The following ETNPPL variants were observed in gnomAD, a reference collection of about 807,000 sequenced individuals.
ETNPPL encodes alanine--glyoxylate aminotransferase 2-like 1.
In ETNPPL, 30 loss-of-function variants were observed where a neutral mutation model predicts 55.5. The observed-to-expected ratio is 0.54, with a 90% confidence interval of 0.40 to 0.73. ETNPPL has a LOEUF of 0.73. Ranked by LOEUF, ETNPPL falls within the 30% of genes least tolerant of loss-of-function variation. The pLI is 0.00. For missense variants in ETNPPL, 528 were observed against 607.9 expected (o/e 0.87, Z 1.38); for synonymous variants, 202 against 207.2 (o/e 0.98, Z 0.21).
intron 7 of ETNPPL, among the ~76,000 whole-genome samples, chr4:108,750,526 A>G (rs866957732): frequency 9.3e-4 from 105 of 113,284 alleles, no homozygotes; most frequent in Non-Finnish European, 1.2e-3. Flanking sequence ...GTGTGTGTGT[A>G]TGATATGTGA....
chr4:108,762,669 TG>T, intron 1 of ETNPPL, 173 bp downstream of exon 1: 1 of 782,020 alleles, frequency 1.3e-6, no homozygotes, highest in Non-Finnish European at 2.3e-6. Context: ...GGAGCGTTTC[TG>T]GGAGTCCGCG....
In ETNPPL at chr4:108,749,450, C is replaced by A; in HGVS notation, c.715G>T (p.Ala239Ser). The A allele has an allele frequency of 6.2e-7, 1 of 1,613,824 alleles. No homozygotes were observed. ...TCATCAGCTATAAACACACCCCCTG[C>A]ACCGTGTACATATCTGAAAAGCAAA... ...FQKVAEYVHG[A>S]GGVFIADEVQ... The change falls in exon 8 of 13, where the codon GCA (alanine) becomes TCA (serine). Residue 239 changes from alanine (A) to serine (S), a missense_variant. Transcript: ENST00000296486.
At chr4:108,744,395 G>A (rs991488087) in intron 11 of ETNPPL, among the ~76,000 whole-genome samples, 5 of 151,942 alleles carry the variant, frequency 3.3e-5, no homozygotes, top group Non-Finnish European at 5.9e-5. Context: ...AAATTCTTCT[G>A]GCCCACTATT....
At chr4:108,752,776 T>C (rs544954054) in intron 6 of ETNPPL, 119 bp downstream of exon 6, 1 of 663,486 alleles carries the variant, frequency 1.5e-6, no homozygotes, top group South Asian at 2.1e-5. Flanking sequence ...AAAACGTAAC[T>C]AGAGAAGAAC....
At chr4:108,754,168 G>T (rs1729088243) in intron 5 of ETNPPL, among the ~76,000 whole-genome samples, 1 of 151,690 alleles carries the variant, frequency 6.6e-6, no homozygotes, top group South Asian at 2.1e-4. Flanking sequence ...AGTAGAGACA[G>T]GATTTCGCCA....
intron 6 of ETNPPL, among the ~76,000 whole-genome samples, chr4:108,751,361 A>T (rs899519565): frequency 1.3e-5 from 2 of 152,190 alleles, no homozygotes; most frequent in African/African-American, 2.4e-5. Flanking sequence ...ATGAACCTGT[A>T]AAAAGTTACC....
At chr4:108,750,720 C>A (rs1465808534) in intron 7 of ETNPPL, among the ~76,000 whole-genome samples, 2 of 150,400 alleles carry the variant, frequency 1.3e-5, no homozygotes, top group Non-Finnish European at 2.9e-5. Flanking sequence ...GAGCAGAGTT[C>A]TGAACCCCCG....
At chr4:108,751,736 T>C (rs1728922458) in intron 6 of ETNPPL, among the ~76,000 whole-genome samples, 1 of 152,220 alleles carries the variant, frequency 6.6e-6, no homozygotes, top group African/African-American at 2.4e-5. Context: ...TTTGGTTTCT[T>C]AGCTGTAAAA....
In ETNPPL at chr4:108,751,024, C is replaced by T. The variant is rs370511101; in HGVS notation, c.619-6G>A. On this transcript the variant is annotated splice_polypyrimidine_tract_variant and splice_region_variant and intron_variant, in intron 6 of 12. Coordinates refer to ENST00000296486, the MANE Select transcript of ETNPPL (RefSeq NM_031279.4). ...TCAGCAATAAAGGCAGCAATCTATA[C>T]AAGAGAAGATGGTGTCAAAGTCCAT... 1.3e-5 allele frequency: 21 copies of T among 1,608,716 alleles called. No homozygotes were observed. Among genetic ancestry groups the T allele is most frequent in the Non-Finnish European group, 1.8e-5 (21 of 1,175,650 alleles).
Position 108,760,304 on chromosome 4 carries a change from G to A in ETNPPL, c.59C>T (p.Pro20Leu), listed in dbSNP as rs759059734. 5.1e-6 allele frequency: 8 copies of A among 1,570,054 alleles called. No individual in the cohort carries two copies. Among genetic ancestry groups the A allele is most frequent in the Non-Finnish European group, 7.0e-6 (8 of 1,141,616 alleles). Residue 20 changes from proline (P) to leucine (L), a missense_variant and splice_region_variant, in exon 2 of 13, where the codon CCC becomes CTC. Physicochemically the swap from Pro to Leu is moderately conservative, Grantham distance 98. Coordinates refer to ENST00000296486, the MANE Select transcript of ETNPPL (RefSeq NM_031279.4). The part of the protein sequence containing the change: ...TLGLRKKHIG[P>L]SCKVFFASDP... ...CGATGCAAAGAAAACTTTGCATGAG[G>A]GCCTAGAAATAATCAAAGGAAACAC...
chr4:108,762,769 G>A lies in ETNPPL; in HGVS notation c.56+74C>T, dbSNP rs1009671628. On this transcript the variant is annotated intron_variant, in intron 1 of 12. Transcript: ENST00000296486. ...GCAGCGCATCGTTTGTTCCCTAGCC[G>A]GCTTTCTCTCTCCACCTTCTGCACT... The A allele has an allele frequency of 3.3e-6, 5 of 1,525,638 alleles. No individual in the cohort carries two copies. The Admixed American group carries it at 6.7e-5, about 20-fold the overall frequency. 94.5% of individuals were successfully genotyped at this position (1,525,638 alleles called of 1,614,324 possible). A position where few individuals can be genotyped will look rare whatever the true frequency, so the allele number is the denominator to read the frequency against.
chr4:108,744,715 ATTTTTTTTT>A (rs530380404), intron 11 of ETNPPL, among the ~76,000 whole-genome samples: 1 of 121,186 alleles, frequency 8.3e-6, no homozygotes, highest in African/African-American at 3.5e-5. Context: ...AGAAGTTGAA[ATTTTTTTTT>A]TTTTTTTTTT....
intron 5 of ETNPPL, among the ~76,000 whole-genome samples, chr4:108,753,811 G>GAAGAA (rs1043846057): frequency 3.1e-5 from 4 of 128,862 alleles, no homozygotes; most frequent in Admixed American, 7.8e-5. Flanking sequence ...AAAGAAAAGA[G>GAAGAA]AAGAAAAGAA....
chr4:108,756,630 A>T (rs1442490878), intron 3 of ETNPPL, 138 bp from the exon 4 acceptor site: 9 of 648,974 alleles, frequency 1.4e-5, no homozygotes, highest in Non-Finnish European at 2.2e-5. Flanking sequence ...TGAGCTCAGA[A>T]GTTAGAGACC....
intron 1 of ETNPPL, 117 bp downstream of exon 1, chr4:108,762,726 C>T (rs1419511146): frequency 1.7e-5 from 22 of 1,278,300 alleles, no homozygotes; most frequent in Non-Finnish European, 2.5e-5. Context: ...ACAGGCGCGG[C>T]GGGCACGGAG....
In ETNPPL at chr4:108,746,812, G is replaced by C; in HGVS notation, c.1122C>G (p.Asp374Glu). The change falls in exon 10 of 13, where the codon GAC (aspartate) becomes GAG (glutamate). Residue 374 changes from aspartate to glutamate, a missense_variant. Coordinates refer to ENST00000296486, the MANE Select transcript of ETNPPL (RefSeq NM_031279.4). ...CTGTGGCAGGGGTCCTTTTCAGATG[G>C]TCCTTCACTAAATCAATTCCAATAA... ...GLFIGIDLVK[D>E]HLKRTPATAE... The C allele has an allele frequency of 6.2e-7, 1 of 1,613,800 alleles. No homozygotes were observed. The highest frequency in any genetic ancestry group is 8.5e-7 in the Non-Finnish European group (1 of 1,179,918).
chr4:108,760,003 CA>C, intron 2 of ETNPPL, 95 bp from the exon 3 acceptor site: 4 of 1,342,572 alleles, frequency 3.0e-6, no homozygotes, highest in Non-Finnish European at 4.2e-6. Flanking sequence ...AGCAAACAAA[CA>C]AACAAACAAA....
At chr4:108,762,335 C>T (rs1213639582) in intron 1 of ETNPPL, 1 of 459,854 alleles carries the variant, frequency 2.2e-6, no homozygotes, top group Non-Finnish European at 4.4e-6. Flanking sequence ...TTTCTATTGG[C>T]TAGATAAACC....
intron 11 of ETNPPL, among the ~76,000 whole-genome samples, chr4:108,744,862 C>T (rs539908728): frequency 1.4e-4 from 22 of 151,774 alleles, no homozygotes; most frequent in African/African-American, 4.8e-4. Flanking sequence ...GAACTACAGG[C>T]GCACGCACCA....
Sources: allele counts gnomAD v4.1 joint callset (sites outside exome capture counted in the v4.1 genomes callset), GRCh38; gene constraint gnomAD v4.1.1; transcripts MANE v1.5; gene names NCBI Gene and HGNC (gene_info 2026-07-23, HGNC 2026-07-21).